Variants in RAPGEF5 observed in about 807,000 individuals in gnomAD.
RAPGEF5 encodes Rap guanine nucleotide exchange factor 5.
A neutral mutation model predicts 125.2 loss-of-function variants in RAPGEF5; 65 were observed. That is an observed-to-expected ratio of 0.52 (90% CI 0.43 to 0.64). The LOEUF (loss-of-function observed/expected upper bound fraction) is 0.64, where lower values mean the gene tolerates loss of function less well. RAPGEF5 is among the 30% of genes least tolerant of loss of function. RAPGEF5 has a pLI of 0.00. For synonymous variants in RAPGEF5, 391 were observed against 385.9 expected (o/e 1.01, Z -0.16); for missense variants, 958 against 1,048.1 (o/e 0.91, Z 1.19).
In RAPGEF5 at chr7:22,123,702, T is replaced by C. The variant is rs554556529; in HGVS notation, c.2537-1181A>G. On this transcript the variant is annotated intron_variant, in intron 25 of 25. Transcript: ENST00000665637. ...AGTAAACACACTAGGTGTTAAAGTTTATACCATCCCACCTGTTTGAAAGTA... is the reference window on the plus strand; with the variant it reads ...AGTAAACACACTAGGTGTTAAAGTTCATACCATCCCACCTGTTTGAAAGTA... Among the ~76,000 whole-genome samples the C allele has an allele frequency of 7.9e-5, 12 of 152,374 alleles. No homozygotes were observed. The South Asian group carries it at 2.3e-3, about 29-fold the overall frequency.
At chr7:22,198,015 G>T (rs1785192354) in intron 9 of RAPGEF5, among the ~76,000 whole-genome samples, 1 of 151,498 alleles carries the variant, frequency 6.6e-6, no homozygotes, top group East Asian at 1.9e-4. Context: ...TCAGCCTCCT[G>T]AGTACCTGGG....
At chr7:22,225,439 C>A (rs1029187752) in intron 8 of RAPGEF5, among the ~76,000 whole-genome samples, 1 of 152,200 alleles carries the variant, frequency 6.6e-6, no homozygotes, top group African/African-American at 2.4e-5. Flanking sequence ...TATATTACAA[C>A]TATCAAAAAA....
At chr7:22,275,570 T>C (rs1376439039) in intron 6 of RAPGEF5, among the ~76,000 whole-genome samples, 1 of 152,214 alleles carries the variant, frequency 6.6e-6, no homozygotes, top group African/African-American at 2.4e-5. Flanking sequence ...CTATTGAATT[T>C]GTGAGATTCA....
chr7:22,169,859 C>CCAAAAAAAAAAAAAAAA (rs553302336), intron 11 of RAPGEF5, among the ~76,000 whole-genome samples: 2 of 25,946 alleles, frequency 7.7e-5, no homozygotes, highest in African/African-American at 4.1e-4. Flanking sequence ...GACTCTGTGT[C>CCAAAAAAAAAAAAAAAA]AAAAAAAAAA....
chr7:22,141,739 C>T (rs570125297), intron 20 of RAPGEF5, among the ~76,000 whole-genome samples: 49 of 152,340 alleles, frequency 3.2e-4, no homozygotes, highest in African/African-American at 1.1e-3. Context: ...TCTCATGGTC[C>T]TCCTGTCCAG....
At chr7:22,317,948 C>CA in intron 2 of RAPGEF5, 39 bp downstream of exon 2, 1 of 1,545,320 alleles carries the variant, frequency 6.5e-7, no homozygotes, top group Non-Finnish European at 8.7e-7. Flanking sequence ...TTGTCAATCA[C>CA]TATTTCAGAA....
intron 1 of RAPGEF5, among the ~76,000 whole-genome samples, chr7:22,336,701 C>A (rs1324387496): frequency 2.6e-5 from 4 of 152,184 alleles, no homozygotes; most frequent in Non-Finnish European, 1.5e-5. Flanking sequence ...GGCCCCTCCT[C>A]TTCCTGGGTG....
Position 22,316,460 on chromosome 7 carries a change from CAT to C in RAPGEF5, c.283-986_283-985del, listed in dbSNP as rs757768702. Among the ~76,000 whole-genome samples, 773 of 92,624 alleles carry C rather than the reference CAT, an allele frequency of 8.3e-3. 18 individuals carry two copies. Among genetic ancestry groups the C allele is most frequent in the Middle Eastern group, 0.015 (2 of 136 alleles). The allele number at this position is 92,624 out of a possible 152,430, so 60.8% of individuals were successfully genotyped here. ...ATACACACGTGTATGTATACATAGA[CAT>C]ATATATATATATATATATATATATA... is the stretch of plus-strand genomic sequence containing the variant. On this transcript the variant is annotated intron_variant, in intron 2 of 25. Coordinates refer to ENST00000665637, the MANE Select transcript of RAPGEF5 (RefSeq NM_012294.5).
intron 6 of RAPGEF5, among the ~76,000 whole-genome samples, chr7:22,284,363 C>T (rs1355512613): frequency 2.0e-5 from 3 of 152,122 alleles, no homozygotes; most frequent in Non-Finnish European, 4.4e-5. Flanking sequence ...CAGATTGAAA[C>T]ACAAGAAGAG....
chr7:22,210,060 G>A (rs1785475596), intron 9 of RAPGEF5, among the ~76,000 whole-genome samples: 1 of 152,134 alleles, frequency 6.6e-6, no homozygotes, highest in Admixed American at 6.5e-5. Context: ...GCAGGTGCCA[G>A]TTTTAGAAAT....
intron 17 of RAPGEF5, among the ~76,000 whole-genome samples, 159 bp downstream of exon 17, chr7:22,154,296 T>G (rs1241899347): frequency 6.6e-6 from 1 of 152,192 alleles, no homozygotes; most frequent in African/African-American, 2.4e-5. Flanking sequence ...ACTGTTGTCA[T>G]GGAAACACTT....
intron 9 of RAPGEF5, among the ~76,000 whole-genome samples, chr7:22,211,970 T>C (rs1785518036): frequency 8.9e-6 from 1 of 112,492 alleles, no homozygotes; most frequent in African/African-American, 3.4e-5. Context: ...TCTCTTTTTT[T>C]TTTTTTTTTT....
At chr7:22,303,850 G>T (rs528912780) in intron 5 of RAPGEF5, among the ~76,000 whole-genome samples, 1 of 152,342 alleles carries the variant, frequency 6.6e-6, no homozygotes, top group Non-Finnish European at 1.5e-5. Context: ...AAGTTTTGTG[G>T]TCAAGGCAGG....
intron 7 of RAPGEF5, among the ~76,000 whole-genome samples, chr7:22,264,414 C>T (rs1182440841): frequency 6.6e-6 from 1 of 152,210 alleles, no homozygotes; most frequent in Non-Finnish European, 1.5e-5. Flanking sequence ...AACAGACATG[C>T]TAATATCATA....
chr7:22,292,459 GTGTT>G, intron 5 of RAPGEF5, among the ~76,000 whole-genome samples: 2 of 152,354 alleles, frequency 1.3e-5, no homozygotes, highest in Middle Eastern at 6.8e-3. Context: ...ATGCAGCAAA[GTGTT>G]TGAGATGCTT....
Position 22,122,221 on chromosome 7 carries a change from C to A in RAPGEF5, c.*185G>T. 1 of 556,360 alleles carries A rather than the reference C, an allele frequency of 1.8e-6. No homozygotes were observed. 34.5% of individuals were successfully genotyped at this position (556,360 alleles called of 1,614,324 possible). A position where few individuals can be genotyped will look rare whatever the true frequency, so the allele number is the denominator to read the frequency against. On this transcript the variant is annotated 3_prime_UTR_variant, in exon 26 of 26. Transcript: ENST00000665637. The stretch of plus-strand genomic sequence containing the variant: ...TTGTCCCGAGAGTAGCATGGAGAAA[C>A]CTCTCCCCCTCTCTGGTGGCTGACA...
intron 9 of RAPGEF5, among the ~76,000 whole-genome samples, chr7:22,195,029 G>A (rs74489357): frequency 0.068 from 10,364 of 152,282 alleles, 424 homozygotes; most frequent in Middle Eastern, 0.13. Context: ...AAAGATTAAA[G>A]GAAGAAAAGT....
intron 6 of RAPGEF5, among the ~76,000 whole-genome samples, chr7:22,272,447 G>A (rs988405642): frequency 1.3e-5 from 2 of 151,334 alleles, no homozygotes; most frequent in African/African-American, 4.9e-5. Context: ...TTACCAAAGC[G>A]TTGTCCTTAC....
chr7:22,139,902 C>G (rs1004908132), intron 21 of RAPGEF5, 123 bp downstream of exon 21: 7 of 811,502 alleles, frequency 8.6e-6, no homozygotes, highest in Non-Finnish European at 1.4e-5. Context: ...TCAAAAAGAT[C>G]CCTACCACCT....
Sources: allele counts gnomAD v4.1 joint callset (sites outside exome capture counted in the v4.1 genomes callset), GRCh38; gene constraint gnomAD v4.1.1; transcripts MANE v1.5; gene names NCBI Gene and HGNC (gene_info 2026-07-23, HGNC 2026-07-21).